Variants in CLN5 observed in about 807,000 individuals in gnomAD.
The protein encoded by CLN5 is bis(monoacylglycero)phosphate synthase CLN5.
Under a neutral mutation model 36.7 loss-of-function variants are expected in CLN5, and 34 were observed. The observed-to-expected ratio is 0.93, with a 90% CI of 0.71 to 1.23. The LOEUF is 1.23. Ranked by LOEUF, CLN5 falls within the 50% of genes most tolerant of loss-of-function variation. The pLI is 0.00. For missense variants in CLN5, 427 were observed against 439.4 expected (o/e 0.97, Z 0.25); for synonymous variants, 151 against 155.1 (o/e 0.97, Z 0.20).
At chr13:76,996,248 C>A in intron 3 of CLN5, 121 bp downstream of exon 3, 1 of 846,306 alleles carries the variant, frequency 1.2e-6, no homozygotes, top group Non-Finnish European at 1.9e-6. Context: ...GTAAAATGTA[C>A]TTTTGGAACC....
In CLN5 at chr13:76,995,148, G is replaced by A; in HGVS notation, c.259G>A (p.Glu87Lys). 6.2e-7 allele frequency: 1 copy of A among 1,614,076 alleles called. No homozygotes were observed. The change falls in exon 2 of 4, where the codon GAG becomes AAG. Residue 87 changes from glutamate (E) to lysine (K), a missense_variant. Physicochemically the swap from Glu to Lys is moderately conservative, Grantham distance 56. Transcript: ENST00000377453. ...AACTGGCTCACCTATCCCAGTTATG[G>A]AGGGTGATGATGACATTGAAGTTTT... is the stretch of plus-strand genomic sequence containing the variant. Reference protein sequence around the residue: ...CPTGSPIPVMEGDDDIEVFRL... With the variant: ...CPTGSPIPVMKGDDDIEVFRL...
chr13:76,992,482 TCG>T, intron 1 of CLN5: 1 of 600,016 alleles, frequency 1.7e-6, no homozygotes, highest in Non-Finnish European at 2.9e-6. Context: ...CTGGGACCTT[TCG>T]TCCCCTCTGG....
Position 77,000,842 on chromosome 13 carries a change from T to C in CLN5, c.950T>C (p.Val317Ala). 6.2e-7 allele frequency: 1 copy of C among 1,605,668 alleles called. No individual in the cohort carries two copies. ...SLLQIFDAVI[V>A]HKQFYLFYNF... ...TTGCAAATTTTTGATGCAGTGATTG[T>C]GCACAAACAGTTCTATTTGTTTTAT... The change falls in exon 4 of 4, where the codon GTG becomes GCG. Residue 317 changes from valine (V) to alanine (A), a missense_variant. Coordinates refer to ENST00000377453, the MANE Select transcript of CLN5 (RefSeq NM_006493.4).
Position 77,004,283 on chromosome 13 carries a change from A to G in CLN5, c.*3314A>G, listed in dbSNP as rs185889027. 9 of 152,360 alleles carry G rather than the reference A, an allele frequency of 5.9e-5. No individual in the cohort carries two copies. Among genetic ancestry groups the G allele is most frequent in the Non-Finnish European group, 1.3e-4 (9 of 68,030 alleles). 9.4% of individuals were successfully genotyped at this position (152,360 alleles called of 1,614,324 possible). On this transcript the variant is annotated 3_prime_UTR_variant, in exon 4 of 4. Coordinates refer to ENST00000377453, the MANE Select transcript of CLN5 (RefSeq NM_006493.4). ...TTATTTTTTAAATAGTTGGCAGGCT[A>G]TACAAAGAGTGATGTTCCAAAACTA...
chr13:77,003,287 G>C lies in CLN5; in HGVS notation c.*2318G>C, dbSNP rs1307979656. On this transcript the variant is annotated 3_prime_UTR_variant, in exon 4 of 4. Coordinates refer to ENST00000377453, the MANE Select transcript of CLN5 (RefSeq NM_006493.4). Reference sequence around the variant, plus strand: ...AGATGGCGCCACTGCACTCCAGCCTGGGCGACAGAGCGAGACTCCGTCTCA... The same window carrying C: ...AGATGGCGCCACTGCACTCCAGCCTCGGCGACAGAGCGAGACTCCGTCTCA... 2 of 152,036 alleles carry C rather than the reference G, an allele frequency of 1.3e-5. No individual in the cohort carries two copies. Among genetic ancestry groups the C allele is most frequent in the Non-Finnish European group, 2.9e-5 (2 of 68,030 alleles). The allele number at this position is 152,036 out of a possible 1,614,324, so 9.4% of individuals were successfully genotyped here.
chr13:76,995,463 T>C (rs566806071), intron 2 of CLN5: 5 of 542,970 alleles, frequency 9.2e-6, no homozygotes, highest in Non-Finnish European at 1.6e-5. Flanking sequence ...CCAGCTCCTG[T>C]ACCTAGCTCC....
chr13:76,995,789 A>T, intron 2 of CLN5, 113 bp from the exon 3 acceptor site: 1 of 814,550 alleles, frequency 1.2e-6, no homozygotes, highest in Non-Finnish European at 2.1e-6. Flanking sequence ...AGAACAGCTG[A>T]ACAGTTGTTC....
chr13:77,000,042 C>T (rs1305397542), intron 3 of CLN5: 1 of 151,802 alleles, frequency 6.6e-6, no homozygotes, highest in Non-Finnish European at 1.5e-5. Flanking sequence ...CAGTCTTAAT[C>T]AAGTTAGAAC....
At chr13:77,000,383 T>C in intron 3 of CLN5, 75 bp from the exon 4 acceptor site, 1 of 1,178,718 alleles carries the variant, frequency 8.5e-7, no homozygotes, top group African/African-American at 1.7e-5. Context: ...AGACCTGTCT[T>C]AAAAAAAAAA....
chr13:76,993,827 T>A (rs1469052505), intron 1 of CLN5: 2 of 152,172 alleles, frequency 1.3e-5, no homozygotes, highest in Non-Finnish European at 2.9e-5. Context: ...TTTTGTTGAT[T>A]TGTTAAGATT....
chr13:76,995,963 A>C lies in CLN5; in HGVS notation c.401A>C (p.Glu134Ala), dbSNP rs1480555570. ...STLTGKNYTM[E>A]WYELFQLGNC... ...TTAACTGGCAAGAACTACACAATGGAATGGTATGAACTTTTCCAACTTGGC... is the reference window on the plus strand; with the variant it reads ...TTAACTGGCAAGAACTACACAATGGCATGGTATGAACTTTTCCAACTTGGC... Residue 134 changes from glutamate to alanine, a missense_variant, in exon 3 of 4, where the codon GAA (glutamate) becomes GCA (alanine). By Grantham distance (107) the Glu-to-Ala change is moderately radical (BLOSUM62 -1). Coordinates refer to ENST00000377453, the MANE Select transcript of CLN5 (RefSeq NM_006493.4). The C allele has an allele frequency of 6.2e-7, 1 of 1,614,094 alleles. No individual in the cohort carries two copies. The highest frequency in any genetic ancestry group is 8.5e-7 in the Non-Finnish European group (1 of 1,180,050).
Position 76,996,110 on chromosome 13 carries a change from A to C in CLN5, c.548A>C (p.Gln183Pro). 1 of 1,613,714 alleles carries C rather than the reference A, an allele frequency of 6.2e-7. No homozygotes were observed. Among genetic ancestry groups the C allele is most frequent in the Admixed American group, 1.7e-5 (1 of 60,028 alleles). The change falls in exon 3 of 4, where the codon CAA becomes CCA. Residue 183 changes from glutamine (Q) to proline (P), a missense_variant. Transcript: ENST00000377453. ...TGGAAGGAAAATGGGACATTAGTTCAAGTAGCAACTATATCAGGTAAGTTG... is the reference window on the plus strand; with the variant it reads ...TGGAAGGAAAATGGGACATTAGTTCCAGTAGCAACTATATCAGGTAAGTTG... ...VHWKENGTLVQVATISGNMFN... is the reference protein window; with the variant it reads ...VHWKENGTLVPVATISGNMFN...
In CLN5 at chr13:77,001,238, G is replaced by A. The variant is rs137867457; in HGVS notation, c.*269G>A. 619 of 322,266 alleles carry A rather than the reference G, an allele frequency of 1.9e-3. 3 individuals are homozygous for A. The highest frequency in any genetic ancestry group is 0.013 in the African/African-American group (578 of 46,166). The allele number at this position is 322,266 out of a possible 1,614,324, so 20.0% of individuals were successfully genotyped here. A position where few individuals can be genotyped will look rare whatever the true frequency, so the allele number is the denominator to read the frequency against. ...ATATGGAGAATTATGGTTCATATCA[G>A]TTATGTAGGACCTTTGGACCCAGGG... On this transcript the variant is annotated 3_prime_UTR_variant, in exon 4 of 4. Coordinates refer to ENST00000377453, the MANE Select transcript of CLN5 (RefSeq NM_006493.4).
intron 3 of CLN5, chr13:76,996,433 CTT>C (rs1029708030): frequency 3.0e-6 from 1 of 333,462 alleles, no homozygotes; most frequent in African/African-American, 2.2e-5. Flanking sequence ...AATGTATAGT[CTT>C]TTATCCCTCA....
chr13:77,000,345 A>T, intron 3 of CLN5, 113 bp from the exon 4 acceptor site: 1 of 963,786 alleles, frequency 1.0e-6, no homozygotes, highest in Non-Finnish European at 1.5e-6. Context: ...TGATGTTACC[A>T]CCGCACTCTA....
At position 77,002,592 on chromosome 13, in the gene CLN5, C is replaced by CCA. The variant is rs2034382182; in HGVS notation, c.*1623_*1624insCA. On this transcript the variant is annotated 3_prime_UTR_variant, in exon 4 of 4. Transcript: ENST00000377453. ...TTTTTTTTTTTCAACTGTAGTCCCA[C>CCA]AACAGTCTGAAAATAACCCAGTCAC... 1 of 151,736 alleles carries CCA rather than the reference C, an allele frequency of 6.6e-6. No individual in the cohort carries two copies. The highest frequency in any genetic ancestry group is 2.1e-4 in the South Asian group (1 of 4,820). 9.4% of individuals were successfully genotyped at this position (151,736 alleles called of 1,614,324 possible).
At chr13:76,998,954 C>A (rs2034313410) in intron 3 of CLN5, 3 of 152,196 alleles carry the variant, frequency 2.0e-5, no homozygotes, top group Non-Finnish European at 2.9e-5. Context: ...AGTCAATGAT[C>A]ATATGAATAA....
intron 2 of CLN5, chr13:76,995,520 C>T: frequency 2.0e-6 from 1 of 501,296 alleles, no homozygotes. Flanking sequence ...GCAGGTAACA[C>T]CTCTTGATTT....
At chr13:76,995,646 T>G in intron 2 of CLN5, 1 of 555,946 alleles carries the variant, frequency 1.8e-6, no homozygotes, top group Non-Finnish European at 3.2e-6. Context: ...TCTAAGGAAA[T>G]TATCAGCTTG....
Sources: gnomAD v4.1 joint callset for allele counts on GRCh38, gnomAD v4.1.1 for gene constraint, MANE v1.5 for transcripts, NCBI Gene and HGNC (gene_info 2026-07-23, HGNC 2026-07-21) for gene names.